The following WDTC1 variants were observed in gnomAD, a reference collection of about 807,000 sequenced individuals.
WDTC1 encodes the protein WD and tetratricopeptide repeats 1, also known as WD and tetratricopeptide repeats protein 1.
A neutral mutation model predicts 76.0 loss-of-function variants in WDTC1; 12 were observed. The observed-to-expected ratio is 0.16, with a 90% CI of 0.10 to 0.26. The LOEUF (loss-of-function observed/expected upper bound fraction) is 0.26. Among genes scored for constraint, WDTC1 ranks in the 10% least tolerant of loss-of-function variants. The pLI, the probability that WDTC1 is intolerant of heterozygous loss-of-function variation, is 1.00. For missense variants in WDTC1, 511 were observed against 908.8 expected, an observed-to-expected ratio of 0.56 and a Z score of 5.63; for synonymous variants, 326 against 350.8, an observed-to-expected ratio of 0.93 and a Z score of 0.79.
chr1:27,255,126 G>A (rs1183276152), intron 1 of WDTC1, among the ~76,000 whole-genome samples: 1 of 151,960 alleles, frequency 6.6e-6, no homozygotes, highest in Non-Finnish European at 1.5e-5. Flanking sequence ...TTCTTAGTAT[G>A]GCTACTATGT....
At position 27,268,875 on chromosome 1, in the gene WDTC1, C is replaced by T. The variant is rs1187651527; in HGVS notation, c.132+5640C>T. Among the ~76,000 whole-genome samples the T allele has an allele frequency of 8.7e-5, 13 of 149,920 alleles. No individual in the cohort carries two copies. In the East Asian group the frequency reaches 1.0e-3, roughly 12 times the overall value. ...GACTACAGGTGCACGCCACCACACC[C>T]AGCTAATTTTTGTATTTTTAGTAGA... On this transcript the variant is annotated intron_variant, in intron 3 of 15. Transcript: ENST00000319394.
At chr1:27,251,905 C>T (rs1295801390) in intron 1 of WDTC1, among the ~76,000 whole-genome samples, 1 of 151,846 alleles carries the variant, frequency 6.6e-6, no homozygotes, top group Non-Finnish European at 1.5e-5. Context: ...AAAACTTAGC[C>T]GGGCATGGTG....
intron 12 of WDTC1, among the ~76,000 whole-genome samples, chr1:27,300,701 C>T (rs554974835): frequency 1.3e-5 from 2 of 152,282 alleles, no homozygotes; most frequent in East Asian, 3.9e-4. Flanking sequence ...TCAGCCAGGA[C>T]AGGGGGGGGT....
At chr1:27,256,284 T>C (rs1430458335) in intron 1 of WDTC1, among the ~76,000 whole-genome samples, 1 of 152,114 alleles carries the variant, frequency 6.6e-6, no homozygotes, top group East Asian at 1.9e-4. Flanking sequence ...AGGTGAACTC[T>C]CTGTGGTCCT....
intron 12 of WDTC1, among the ~76,000 whole-genome samples, chr1:27,299,923 C>T (rs2013788960): frequency 6.6e-6 from 1 of 152,198 alleles, no homozygotes; most frequent in Non-Finnish European, 1.5e-5. Context: ...CTCCTGGATG[C>T]AGTGGGAGCT....
intron 1 of WDTC1, among the ~76,000 whole-genome samples, chr1:27,244,851 G>A (rs1485273229): frequency 1.3e-5 from 2 of 152,196 alleles, no homozygotes; most frequent in African/African-American, 4.8e-5. Flanking sequence ...GCTATGGGAG[G>A]TAGCATGTCC....
At chr1:27,282,486 C>A (rs912382383) in intron 4 of WDTC1, among the ~76,000 whole-genome samples, 1 of 152,088 alleles carries the variant, frequency 6.6e-6, no homozygotes, top group African/African-American at 2.4e-5. Context: ...GGATGACCAT[C>A]CAAACCCTGT....
chr1:27,263,890 TATAC>T (rs2012570022), intron 3 of WDTC1, among the ~76,000 whole-genome samples: 1 of 151,636 alleles, frequency 6.6e-6, no homozygotes, highest in Admixed American at 6.6e-5. Context: ...TACGTATACA[TATAC>T]ATATACATAT....
intron 5 of WDTC1, among the ~76,000 whole-genome samples, chr1:27,285,454 C>T (rs1289604119): frequency 6.6e-6 from 1 of 152,058 alleles, no homozygotes; most frequent in Non-Finnish European, 1.5e-5. Flanking sequence ...ATTGCCCCTC[C>T]CCCAACACTA....
rs1158702196 is a variant in WDTC1 at position 27,281,237 on chromosome 1, G to A, written c.133-1002G>A. On this transcript the variant is annotated intron_variant, in intron 3 of 15. Coordinates refer to ENST00000319394, the MANE Select transcript of WDTC1 (RefSeq NM_001276252.2). ...AGCACTTTGGGAGGCCGAGGCGGGC[G>A]GATCATGAGGTCGAGACCATCCTGG... 3.3e-5 allele frequency among the ~76,000 whole-genome samples: 5 copies of A among 151,898 alleles called. No individual in the cohort carries two copies. In the East Asian group the frequency reaches 7.8e-4, roughly 24 times the overall value.
rs781319513 is a variant in WDTC1, at chr1:27,263,193, T to C, written c.90T>C (p.Thr30=). 3.1e-6 allele frequency: 5 copies of C among 1,613,682 alleles called. No homozygotes were observed. Among genetic ancestry groups the C allele is most frequent in the Non-Finnish European group, 4.2e-6 (5 of 1,179,856 alleles). ...ALSFERRYHV[T]DPFIRRLGLE... ...GCTTTGAGCGGCGCTACCATGTCAC[T>C]GACCCCTTTATCCGGCGGCTGGGCC... The change falls in exon 3 of 16, where the codon ACT becomes ACC. Residue 30 remains threonine, a synonymous_variant. Transcript: ENST00000319394.
intron 9 of WDTC1, among the ~76,000 whole-genome samples, chr1:27,296,052 G>A (rs1401313161): frequency 2.6e-5 from 4 of 152,108 alleles, no homozygotes; most frequent in Non-Finnish European, 4.4e-5. Context: ...TACAGGCTAC[G>A]CCACCATGCC....
chr1:27,252,676 T>C (rs573049631), intron 1 of WDTC1, among the ~76,000 whole-genome samples: 1 of 152,032 alleles, frequency 6.6e-6, no homozygotes, highest in African/African-American at 2.4e-5. Flanking sequence ...CACATGCCTG[T>C]AATCCCAGCT....
chr1:27,235,476 A>C (rs2011476158), intron 1 of WDTC1, among the ~76,000 whole-genome samples: 1 of 150,916 alleles, frequency 6.6e-6, no homozygotes, highest in Non-Finnish European at 1.5e-5. Context: ...CTGGCACCAA[A>C]CAACTCTGCC....
rs372881597 is a variant in WDTC1 at position 27,298,756 on chromosome 1, G to GC, written c.1232+652dup. 4.0e-4 allele frequency among the ~76,000 whole-genome samples: 35 copies of GC among 88,052 alleles called. No homozygotes were observed. The East Asian group carries it at 4.2e-3, about 11-fold the overall frequency. The allele number at this position is 88,052 out of a possible 152,430, so 57.8% of individuals were successfully genotyped here. A position where few individuals can be genotyped will look rare whatever the true frequency, so the allele number is the denominator to read the frequency against. On this transcript the variant is annotated intron_variant, in intron 12 of 15. Coordinates refer to ENST00000319394, the MANE Select transcript of WDTC1 (RefSeq NM_001276252.2). ...GCAGGCAAGCAGACATGCAGACCCC[G>GC]CCCCCCCATCCCCCAGCCAGGGCCA...
At chr1:27,260,246 A>G (rs1210205960) in intron 1 of WDTC1, among the ~76,000 whole-genome samples, 1 of 152,080 alleles carries the variant, frequency 6.6e-6, no homozygotes, top group Non-Finnish European at 1.5e-5. Flanking sequence ...CTGGGACTAC[A>G]GGCACCCGCC....
At position 27,273,647 on chromosome 1, in the gene WDTC1, A is replaced by G. The variant is rs114413663; in HGVS notation, c.133-8592A>G. ...TTTGAATATGGACTATACGTTAGAC[A>G]ACAGTATTGTATCAGTGTTAAATTT... On this transcript the variant is annotated intron_variant, in intron 3 of 15. Transcript: ENST00000319394. Among the ~76,000 whole-genome samples, 467 of 152,334 alleles carry G rather than the reference A, an allele frequency of 3.1e-3. 4 individuals are homozygous for G. Among genetic ancestry groups the G allele is most frequent in the African/African-American group, 9.2e-3 (381 of 41,576 alleles).
chr1:27,295,330 G>A (rs1396974537), intron 9 of WDTC1, among the ~76,000 whole-genome samples: 1 of 152,152 alleles, frequency 6.6e-6, no homozygotes, highest in Non-Finnish European at 1.5e-5. Flanking sequence ...GAATAGGTGA[G>A]GATAAGCCAG....
chr1:27,280,024 CT>C (rs1431110893), intron 3 of WDTC1, among the ~76,000 whole-genome samples: 1 of 152,180 alleles, frequency 6.6e-6, no homozygotes, highest in African/African-American at 2.4e-5. Context: ...CAATTATTAT[CT>C]TTTTTACTGA....
Sources: gnomAD v4.1 joint callset for allele counts (sites outside exome capture counted in the v4.1 genomes callset) on GRCh38, gnomAD v4.1.1 for gene constraint, MANE v1.5 for transcripts, NCBI Gene and HGNC (gene_info 2026-07-23, HGNC 2026-07-21) for gene names.